The following GRK6 variants were observed in gnomAD, a reference collection of about 807,000 sequenced individuals.
The protein encoded by GRK6 is G protein-coupled receptor kinase 6.
In GRK6, 37 loss-of-function variants were observed where a neutral mutation model predicts 80.8. The observed-to-expected ratio is 0.46, with a 90% confidence interval of 0.35 to 0.60. The LOEUF is 0.60. Ranked by LOEUF, GRK6 falls within the 20% of genes least tolerant of loss-of-function variation. GRK6 has a pLI of 0.00. For synonymous variants in GRK6, 295 were observed against 320.9 expected (o/e 0.92, Z 0.86); for missense variants, 560 against 784.6 (o/e 0.71, Z 3.42).
intron 14 of GRK6, 31 bp downstream of exon 14, chr5:177,440,868 T>C (rs1581692361): frequency 1.2e-6 from 2 of 1,613,548 alleles, no homozygotes; most frequent in Admixed American, 3.3e-5. Context: ...TGGGGTGGGC[T>C]CCAGGAGGCT....
At chr5:177,439,505 ACTC>A (rs1287597488) in intron 13 of GRK6, among the ~76,000 whole-genome samples, 3 of 149,976 alleles carry the variant, frequency 2.0e-5, no homozygotes, top group Non-Finnish European at 4.4e-5. Flanking sequence ...ACACCATTGC[ACTC>A]CAGGCTGGGC....
chr5:177,435,753 A>G (rs1352257773), intron 11 of GRK6, among the ~76,000 whole-genome samples: 1 of 152,240 alleles, frequency 6.6e-6, no homozygotes, highest in Non-Finnish European at 1.5e-5. Context: ...AGAAGTTGCA[A>G]AATGGTAGCC....
intron 2 of GRK6, 42 bp downstream of exon 2, chr5:177,431,009 C>T (rs537304810): frequency 4.5e-6 from 7 of 1,550,014 alleles, no homozygotes; most frequent in East Asian, 2.3e-5. Flanking sequence ...GGCGAGGGGC[C>T]CTGCTGGGGC....
At position 177,433,523 on chromosome 5, in the gene GRK6, T is replaced by C. The variant is rs750468630; in HGVS notation, c.598-13T>C. The C allele has an allele frequency of 1.2e-6, 2 of 1,613,910 alleles. No homozygotes were observed. The highest frequency in any genetic ancestry group is 1.7e-4 in the Middle Eastern group (1 of 6,060). ...CAGCTGGCCCCCATTCGCCCCTGTCTGTCTGGCCACAGGTGTGCGCCTGCC... is the reference window on the plus strand; with the variant it reads ...CAGCTGGCCCCCATTCGCCCCTGTCCGTCTGGCCACAGGTGTGCGCCTGCC... On this transcript the variant is annotated splice_polypyrimidine_tract_variant and intron_variant, in intron 7 of 15. Transcript: ENST00000355472.
Position 177,442,720 on chromosome 5 carries a change from G to C in GRK6, c.*930G>C, listed in dbSNP as rs1006912706. On this transcript the variant is annotated 3_prime_UTR_variant, in exon 16 of 16. Coordinates refer to ENST00000355472, the MANE Select transcript of GRK6 (RefSeq NM_001004106.3). ...AGGGCGAGGCTGTGCCTGTGCCCCA[G>C]GTCCCAGCCCTGGCCCTTCCCAGAC... The C allele has an allele frequency of 3.3e-5, 5 of 152,702 alleles. No homozygotes were observed. The highest frequency in any genetic ancestry group is 1.2e-4 in the African/African-American group (5 of 41,466). The allele number at this position is 152,702 out of a possible 1,614,324, so 9.5% of individuals were successfully genotyped here.
chr5:177,432,354 C>A, intron 4 of GRK6, 44 bp downstream of exon 4: 1 of 1,570,868 alleles, frequency 6.4e-7, no homozygotes, highest in Non-Finnish European at 8.8e-7. Flanking sequence ...CACCAGAGCC[C>A]CGTGTCAGGC....
Position 177,433,164 on chromosome 5 carries a change from T to A in GRK6, c.458T>A (p.Leu153Gln). 6.2e-7 allele frequency: 1 copy of A among 1,614,028 alleles called. No homozygotes were observed. Residue 153 changes from leucine to glutamine, a missense_variant, in exon 6 of 16, where the codon CTG becomes CAG. Leu to Gln is a moderately radical substitution (Grantham distance 113). Around this residue, in one of 3 missense-constraint regions of GRK6, gnomAD observed 189 missense variants for 230.2 expected, o/e 0.82. Transcript: ENST00000355472. Reference sequence around the variant, plus strand: ...CTCAACAGGCTGACCCACGAGTACCTGAGCGTGGCCCCTTTTGCCGACTAC... The same window carrying A: ...CTCAACAGGCTGACCCACGAGTACCAGAGCGTGGCCCCTTTTGCCGACTAC... The part of the protein sequence containing the change: ...QELTRLTHEY[L>Q]SVAPFADYLD...
In GRK6 at chr5:177,434,344, G is replaced by C. The variant is rs577477053; in HGVS notation, c.929+240G>C. On this transcript the variant is annotated intron_variant, in intron 9 of 15. Transcript: ENST00000355472. ...TTGTCACCCCTCCACCCCCCACCGTGTGACCTTGGGCCAGGAGCTCCCTGC... is the reference window on the plus strand; with the variant it reads ...TTGTCACCCCTCCACCCCCCACCGTCTGACCTTGGGCCAGGAGCTCCCTGC... 3.3e-5 allele frequency among the ~76,000 whole-genome samples: 5 copies of C among 152,314 alleles called. No individual in the cohort carries two copies. In the South Asian group the frequency reaches 1.0e-3, roughly 32 times the overall value.
intron 2 of GRK6, among the ~76,000 whole-genome samples, chr5:177,431,291 G>A (rs530729963): frequency 1.7e-3 from 254 of 152,322 alleles, no homozygotes; most frequent in African/African-American, 5.8e-3. Flanking sequence ...GCAGCAGCTG[G>A]GCCAGCCCAC....
At chr5:177,433,292 T>C (rs2287694) in intron 6 of GRK6, 53 bp downstream of exon 6, 193,072 of 1,613,664 alleles carry the variant, frequency 0.12, 15,062 homozygotes, top group East Asian at 0.39. Flanking sequence ...GGGTTCTTCA[T>C]AGGCCTTGGG....
intron 1 of GRK6, chr5:177,430,572 C>A (rs1202311839): frequency 1.0e-5 from 4 of 395,176 alleles, no homozygotes; most frequent in Non-Finnish European, 1.9e-5. Flanking sequence ...CGGGGGAACT[C>A]CTACCTGGCG....
Position 177,442,089 on chromosome 5 carries a change from G to A in GRK6, c.*299G>A, listed in dbSNP as rs549996664. 33 of 383,716 alleles carry A rather than the reference G, an allele frequency of 8.6e-5. No individual in the cohort carries two copies. The highest frequency in any genetic ancestry group is 6.1e-4 in the African/African-American group (29 of 47,434). The allele number at this position is 383,716 out of a possible 1,614,324, so 23.8% of individuals were successfully genotyped here. ...GACCAGAGCATTCTTAATTCCCGCC[G>A]CAGACCTGGCGCCCCCGCCTTGGCT... On this transcript the variant is annotated 3_prime_UTR_variant, in exon 16 of 16. Transcript: ENST00000355472.
At chr5:177,440,360 G>T (rs1210361281) in intron 13 of GRK6, among the ~76,000 whole-genome samples, 2 of 152,210 alleles carry the variant, frequency 1.3e-5, no homozygotes, top group African/African-American at 4.8e-5. Flanking sequence ...GTGGTGCCCA[G>T]CGGAGGGGCC....
intron 13 of GRK6, chr5:177,438,582 G>T (rs758858150): frequency 6.6e-6 from 1 of 152,304 alleles, no homozygotes; most frequent in Non-Finnish European, 1.5e-5. Flanking sequence ...GCCCTGTGAG[G>T]TGGAGCAGCC....
In GRK6 at chr5:177,432,012, C is replaced by T; in HGVS notation, c.166C>T (p.Leu56=). 6.2e-7 allele frequency: 1 copy of T among 1,613,352 alleles called. No homozygotes were observed. Among genetic ancestry groups the T allele is most frequent in the Non-Finnish European group, 8.5e-7 (1 of 1,179,882 alleles). The change falls in exon 3 of 16, where the codon CTG becomes TTG. Residue 56 remains leucine (L), a synonymous_variant. Coordinates refer to ENST00000355472, the MANE Select transcript of GRK6 (RefSeq NM_001004106.3). ...GCCAACAGAGCGTGACTATCACAGCCTGTGCGAGCGGCAGCCCATTGGGCG... is the reference window on the plus strand; with the variant it reads ...GCCAACAGAGCGTGACTATCACAGCTTGTGCGAGCGGCAGCCCATTGGGCG... ...RLSLERDYHS[L]CERQPIGRLL... is the part of the protein sequence containing the mutation.
chr5:177,433,118 GGT>G (rs1233190036), intron 5 of GRK6, 27 bp from the exon 6 acceptor site: 1 of 1,592,702 alleles, frequency 6.3e-7, no homozygotes, highest in East Asian at 2.2e-5. Context: ...GGGGCTGGCG[GGT>G]GAGCTGGGCC....
chr5:177,440,693 C>T lies in GRK6; in HGVS notation c.1405-7C>T, dbSNP rs1382735746. 6.2e-7 allele frequency: 1 copy of T among 1,613,680 alleles called. No homozygotes were observed. The highest frequency in any genetic ancestry group is 2.2e-5 in the East Asian group (1 of 44,862). ...TTCCTATCTGACCGTTGCCTCTGTC[C>T]CACCAGCCCCAGGCCATTTACTGCA... On this transcript the variant is annotated splice_region_variant and splice_polypyrimidine_tract_variant and intron_variant, in intron 13 of 15. Transcript: ENST00000355472.
intron 13 of GRK6, among the ~76,000 whole-genome samples, chr5:177,437,352 A>T (rs536636820): frequency 6.6e-6 from 1 of 152,232 alleles, no homozygotes; most frequent in South Asian, 2.1e-4. Flanking sequence ...CACTGGCCAC[A>T]CCCAGATCAT....
At position 177,430,734 on chromosome 5, in the gene GRK6, T is replaced by G. The variant is rs1339643930; in HGVS notation, c.53-138T>G. The G allele has an allele frequency of 8.7e-6, 6 of 689,512 alleles. No individual in the cohort carries two copies. The East Asian group carries it at 1.6e-4, about 19-fold the overall frequency. 42.7% of individuals were successfully genotyped at this position (689,512 alleles called of 1,614,324 possible). On this transcript the variant is annotated intron_variant, in intron 1 of 15. Coordinates refer to ENST00000355472, the MANE Select transcript of GRK6 (RefSeq NM_001004106.3). ...AACGCAGCAAGGGCGTGCTGGAGCG[T>G]GCAGAGGGAAGGCCTGAGGTGCTGT... is the stretch of plus-strand genomic sequence containing the variant.
Sources: allele counts gnomAD v4.1 joint callset (sites outside exome capture counted in the v4.1 genomes callset), GRCh38; gene constraint gnomAD v4.1.1; regional missense constraint gnomAD v4.1.1; transcripts MANE v1.5; gene names NCBI Gene and HGNC (gene_info 2026-07-23, HGNC 2026-07-21).